Variants in GJB7 observed in about 807,000 individuals in gnomAD.
The protein encoded by GJB7 is gap junction protein beta 7.
For missense variants in GJB7, 253 were observed against 256.8 expected (o/e 0.99, Z 0.10); for synonymous variants, 87 against 95.2 (o/e 0.91, Z 0.50).
At position 87,310,324 on chromosome 6, in the gene GJB7, G is replaced by A. The variant is rs576153756; in HGVS notation, c.-28+12542C>T. On this transcript the variant is annotated intron_variant, in intron 2 of 2. Coordinates refer to ENST00000525899, the MANE Select transcript of GJB7 (RefSeq NM_198568.3). ...CTAATAAATTGAATTTCAGTGTTTCGAGGAATTGATAACTTGAATTTCATT... is the reference window on the plus strand; with the variant it reads ...CTAATAAATTGAATTTCAGTGTTTCAAGGAATTGATAACTTGAATTTCATT... Among the ~76,000 whole-genome samples the A allele has an allele frequency of 1.4e-4, 22 of 152,120 alleles. 1 individual carries two copies. Among genetic ancestry groups the A allele is most frequent in the Middle Eastern group, 3.4e-3 (1 of 294 alleles).
intron 2 of GJB7, among the ~76,000 whole-genome samples, chr6:87,296,405 C>T (rs1776250167): frequency 6.6e-6 from 1 of 151,982 alleles, no homozygotes; most frequent in South Asian, 2.1e-4. Flanking sequence ...TATATAAATC[C>T]TTATACTTTA....
intron 2 of GJB7, among the ~76,000 whole-genome samples, chr6:87,320,442 T>C (rs1776639484): frequency 2.0e-5 from 3 of 152,208 alleles, no homozygotes. Context: ...TTCCAACTAT[T>C]CTGTTCATTT....
chr6:87,288,005 C>T (rs539674508), intron 2 of GJB7, among the ~76,000 whole-genome samples: 7 of 152,074 alleles, frequency 4.6e-5, no homozygotes, highest in African/African-American at 1.7e-4. Flanking sequence ...CGGGTTCAAG[C>T]GATTCTCCTG....
chr6:87,311,475 TAC>T (rs980459137), intron 2 of GJB7, among the ~76,000 whole-genome samples: 2 of 152,200 alleles, frequency 1.3e-5, no homozygotes, highest in African/African-American at 4.8e-5. Flanking sequence ...AAGCAAAGCT[TAC>T]ACAGTCTTAG....
At chr6:87,324,176 C>A (rs1300512373) in intron 1 of GJB7, among the ~76,000 whole-genome samples, 2 of 151,970 alleles carry the variant, frequency 1.3e-5, no homozygotes, top group African/African-American at 2.4e-5. Context: ...GGATATTAGC[C>A]CTTTGTCAGA....
At chr6:87,293,310 T>C (rs1776206739) in intron 2 of GJB7, among the ~76,000 whole-genome samples, 1 of 152,246 alleles carries the variant, frequency 6.6e-6, no homozygotes, top group South Asian at 2.1e-4. Flanking sequence ...ATCACAGGCA[T>C]GAGCCACCGC....
At chr6:87,288,683 C>T (rs755614175) in intron 2 of GJB7, among the ~76,000 whole-genome samples, 23 of 152,214 alleles carry the variant, frequency 1.5e-4, no homozygotes, top group Admixed American at 3.9e-4. Flanking sequence ...CACCACCATC[C>T]GCCCAAGTGT....
At chr6:87,323,543 C>T (rs1488462477) in intron 1 of GJB7, among the ~76,000 whole-genome samples, 2 of 150,886 alleles carry the variant, frequency 1.3e-5, no homozygotes, top group Admixed American at 1.3e-4. Context: ...TTTGTTCTTG[C>T]GATAGTTTAC....
chr6:87,319,180 A>G (rs1406861551), intron 2 of GJB7, among the ~76,000 whole-genome samples: 1 of 152,264 alleles, frequency 6.6e-6, no homozygotes, highest in African/African-American at 2.4e-5. Flanking sequence ...GGCCCTGCTC[A>G]AAATGAAGAT....
intron 2 of GJB7, among the ~76,000 whole-genome samples, chr6:87,301,769 A>G (rs1246226902): frequency 6.6e-6 from 1 of 152,210 alleles, no homozygotes; most frequent in African/African-American, 2.4e-5. Context: ...CCTAACTGGG[A>G]GGCATCCCCC....
At position 87,284,492 on chromosome 6, in the gene GJB7, A is replaced by T. The variant is rs1427266567; in HGVS notation, c.421T>A (p.Leu141Ile). ...AAGCCATCATATAGCTTATAAAATA[A>T]AACAAGGAAGCCAATTTCAAAACCA... ...KTGFEIGFLV[L>I]FYKLYDGFSV... is the part of the protein sequence containing the mutation. The change falls in exon 3 of 3, where the codon TTA becomes ATA. Residue 141 changes from leucine to isoleucine, a missense_variant. By Grantham distance (5) the Leu-to-Ile change is conservative (BLOSUM62 2). Transcript: ENST00000525899. 6.2e-7 allele frequency: 1 copy of T among 1,610,864 alleles called. No individual in the cohort carries two copies. The highest frequency in any genetic ancestry group is 8.5e-7 in the Non-Finnish European group (1 of 1,179,188).
intron 2 of GJB7, among the ~76,000 whole-genome samples, chr6:87,315,282 C>A (rs1776564455): frequency 6.6e-6 from 1 of 152,154 alleles, no homozygotes; most frequent in Non-Finnish European, 1.5e-5. Context: ...GTGACCTTAA[C>A]CCTGGCCTGT....
At chr6:87,318,567 G>A (rs891407611) in intron 2 of GJB7, among the ~76,000 whole-genome samples, 6 of 152,144 alleles carry the variant, frequency 3.9e-5, no homozygotes, top group Non-Finnish European at 7.4e-5. Flanking sequence ...CAGCAGGCTA[G>A]CTGGAGTATG....
intron 2 of GJB7, among the ~76,000 whole-genome samples, chr6:87,303,572 A>C (rs199925800): frequency 6.6e-6 from 1 of 152,188 alleles, no homozygotes; most frequent in Non-Finnish European, 1.5e-5. Flanking sequence ...CCACACAATG[A>C]TAATGGGAGA....
intron 2 of GJB7, chr6:87,299,221 G>A (rs879789509): frequency 1.1e-5 from 5 of 445,940 alleles, no homozygotes; most frequent in Non-Finnish European, 2.3e-5. Flanking sequence ...CTGAACTTAA[G>A]AAGCTGTCTG....
At chr6:87,321,879 G>A (rs1776670323) in intron 2 of GJB7, among the ~76,000 whole-genome samples, 1 of 152,082 alleles carries the variant, frequency 6.6e-6, no homozygotes, top group South Asian at 2.1e-4. Context: ...AGGGGGAAGT[G>A]CTACACTCTT....
Position 87,283,473 on chromosome 6 carries a change from T to C in GJB7, c.*768A>G, listed in dbSNP as rs1776006677. 1 of 152,274 alleles carries C rather than the reference T, an allele frequency of 6.6e-6. No homozygotes were observed. The highest frequency in any genetic ancestry group is 2.4e-5 in the African/African-American group (1 of 41,466). 9.4% of individuals were successfully genotyped at this position (152,274 alleles called of 1,614,324 possible). ...GATACCTCCCAGTAATATTTCTACT[T>C]GATTTGGAGACCACTGAAATGATAG... On this transcript the variant is annotated 3_prime_UTR_variant, in exon 3 of 3. Coordinates refer to ENST00000525899, the MANE Select transcript of GJB7 (RefSeq NM_198568.3).
chr6:87,315,468 T>A (rs1283294070), intron 2 of GJB7, among the ~76,000 whole-genome samples: 1 of 152,108 alleles, frequency 6.6e-6, no homozygotes, highest in East Asian at 1.9e-4. Context: ...AGCAGGGATG[T>A]GCCCAATATA....
chr6:87,308,240 G>C (rs903007569), intron 2 of GJB7, among the ~76,000 whole-genome samples: 5 of 150,258 alleles, frequency 3.3e-5, no homozygotes, highest in Non-Finnish European at 5.9e-5. Flanking sequence ...GTCGGGGGAG[G>C]GGGGAGGGAT....
Sources: allele counts gnomAD v4.1 joint callset (sites outside exome capture counted in the v4.1 genomes callset), GRCh38; gene constraint gnomAD v4.1.1; transcripts MANE v1.5; gene names NCBI Gene and HGNC (gene_info 2026-07-23, HGNC 2026-07-21).